Variants in TMEM243 observed in about 807,000 individuals in gnomAD.
The protein encoded by TMEM243 is MDR1 and mitochondrial taxol resistance associated.
In TMEM243, 20 loss-of-function variants were observed where a neutral mutation model predicts 15.0. The ratio of observed to expected loss-of-function variants is 1.33; its 90% CI spans 0.94 to 1.93. The LOEUF is 1.93. Ranked by LOEUF, TMEM243 falls within the 30% of genes most tolerant of loss-of-function variation. The pLI is 0.00. For synonymous variants in TMEM243, 72 were observed against 52.7 expected (o/e 1.37, Z -1.59); for missense variants, 156 against 142.1 (o/e 1.10, Z -0.50).
intron 1 of TMEM243, among the ~76,000 whole-genome samples, chr7:87,217,607 A>G (rs910452560): frequency 5.9e-5 from 9 of 152,148 alleles, no homozygotes; most frequent in Admixed American, 5.9e-4. Flanking sequence ...TCTATGTCCA[A>G]TCACCCTGTC....
At chr7:87,212,947 C>G (rs1331899026) in intron 1 of TMEM243, among the ~76,000 whole-genome samples, 1 of 152,210 alleles carries the variant, frequency 6.6e-6, no homozygotes, top group Non-Finnish European at 1.5e-5. Flanking sequence ...CAGGGCACAT[C>G]TTTGACAGCC....
At position 87,208,192 on chromosome 7, in the gene TMEM243, T is replaced by C. The variant is rs542746296; in HGVS notation, c.79-9135A>G. ...CCTAAAGTCTTAACTTATTTCAGCA[T>C]TAACTCAAAAGTCCACAGTCTGAAG... On this transcript the variant is annotated intron_variant, in intron 1 of 3. Transcript: ENST00000257637. Among the ~76,000 whole-genome samples, 250 of 152,338 alleles carry C rather than the reference T, an allele frequency of 1.6e-3. 1 individual carries two copies. Among genetic ancestry groups the C allele is most frequent in the African/African-American group, 5.7e-3 (237 of 41,584 alleles).
intron 1 of TMEM243, among the ~76,000 whole-genome samples, chr7:87,217,426 T>C (rs1803189523): frequency 6.6e-6 from 1 of 152,234 alleles, no homozygotes; most frequent in Non-Finnish European, 1.5e-5. Flanking sequence ...CCTTTCACTA[T>C]TGAGGCTCCA....
In TMEM243 at chr7:87,219,669, G is replaced by A; in HGVS notation, c.-166C>T. 1 of 627,066 alleles carries A rather than the reference G, an allele frequency of 1.6e-6. No individual in the cohort carries two copies. Among genetic ancestry groups the A allele is most frequent in the Non-Finnish European group, 2.8e-6 (1 of 353,694 alleles). The allele number at this position is 627,066 out of a possible 1,614,324, so 38.8% of individuals were successfully genotyped here. On this transcript the variant is annotated 5_prime_UTR_variant, in exon 1 of 4. Coordinates refer to ENST00000257637, the MANE Select transcript of TMEM243 (RefSeq NM_024315.4). ...GGGATGGGTGGGGGCTCACACGCGGGGAACGCGACTGCTCCGCCCCGGCCC... is the reference window on the plus strand; with the variant it reads ...GGGATGGGTGGGGGCTCACACGCGGAGAACGCGACTGCTCCGCCCCGGCCC...
intron 1 of TMEM243, among the ~76,000 whole-genome samples, chr7:87,207,093 C>G (rs934487388): frequency 6.6e-6 from 1 of 152,230 alleles, no homozygotes; most frequent in East Asian, 1.9e-4. Flanking sequence ...CTCTGTTGTT[C>G]CCAAAGAAAT....
chr7:87,210,996 T>C (rs1802706187), intron 1 of TMEM243, among the ~76,000 whole-genome samples: 1 of 152,218 alleles, frequency 6.6e-6, no homozygotes, highest in South Asian at 2.1e-4. Flanking sequence ...CAGCTGGAGC[T>C]GGAGCAGCTG....
chr7:87,211,463 C>T (rs2129235439), intron 1 of TMEM243, among the ~76,000 whole-genome samples: 1 of 152,292 alleles, frequency 6.6e-6, no homozygotes, highest in East Asian at 1.9e-4. Flanking sequence ...TACAATTTTG[C>T]CTCCAAAGTT....
At chr7:87,217,148 C>A (rs1293713338) in intron 1 of TMEM243, among the ~76,000 whole-genome samples, 1 of 152,152 alleles carries the variant, frequency 6.6e-6, no homozygotes, top group African/African-American at 2.4e-5. Flanking sequence ...TCTCATAAAG[C>A]AAGTAAGATT....
In TMEM243 at chr7:87,197,688, AT is replaced by A. The variant is rs71906317; in HGVS notation, c.234+252del. On this transcript the variant is annotated intron_variant, in intron 3 of 3. Coordinates refer to ENST00000257637, the MANE Select transcript of TMEM243 (RefSeq NM_024315.4). ...TTTGGCCACCTACGTCTTTCCACTA[AT>A]TTTTTTTTTTTTTTTTTTTTTTTTT... The A allele has an allele frequency of 1.1e-3, 1,061 of 982,046 alleles. 1 individual carries two copies. The highest frequency in any genetic ancestry group is 4.2e-3 in the East Asian group (87 of 20,958). The allele number at this position is 982,046 out of a possible 1,614,324, so 60.8% of individuals were successfully genotyped here.
At chr7:87,209,938 A>G (rs115797717) in intron 1 of TMEM243, among the ~76,000 whole-genome samples, 3,758 of 123,036 alleles carry the variant, frequency 0.031, 74 homozygotes, top group East Asian at 0.055. Context: ...AGAGAGAAAC[A>G]GGAGGGGGAC....
At chr7:87,209,684 C>CAGTGAGAA (rs1554365988) in intron 1 of TMEM243, among the ~76,000 whole-genome samples, 1 of 73,194 alleles carries the variant, frequency 1.4e-5, no homozygotes. Flanking sequence ...GAGCGAGACA[C>CAGTGAGAA]AGCGAGAGAG....
chr7:87,209,748 C>CACAGAGCGAGACAGTGAGAGCGAG (rs1562885322), intron 1 of TMEM243, among the ~76,000 whole-genome samples: 16 of 58,430 alleles, frequency 2.7e-4, no homozygotes, highest in East Asian at 3.6e-4. Context: ...GAGAGCGAGA[C>CACAGAGCGAGACAGTGAGAGCGAG]ACAGAGCGAG....
At chr7:87,209,458 G>A (rs1421453824) in intron 1 of TMEM243, among the ~76,000 whole-genome samples, 5 of 150,704 alleles carry the variant, frequency 3.3e-5, no homozygotes, top group African/African-American at 1.2e-4. Context: ...CAGTGAGACA[G>A]ACAGAGTGAG....
chr7:87,200,454 A>G (rs902033934), intron 1 of TMEM243, among the ~76,000 whole-genome samples: 4 of 152,200 alleles, frequency 2.6e-5, no homozygotes, highest in Non-Finnish European at 5.9e-5. Flanking sequence ...TGGGAGCCCC[A>G]CTATTTTTGA....
chr7:87,209,560 CAATG>C (rs1802491580), intron 1 of TMEM243, among the ~76,000 whole-genome samples: 1 of 86,508 alleles, frequency 1.2e-5, no homozygotes, highest in South Asian at 3.7e-4. Flanking sequence ...ATGAGAGAGA[CAATG>C]AGAGAGAGAC....
chr7:87,209,885 T>C, intron 1 of TMEM243, among the ~76,000 whole-genome samples: 1 of 116,438 alleles, frequency 8.6e-6, no homozygotes, highest in African/African-American at 3.5e-5. Context: ...AGTGAGAGCG[T>C]GAGAGACAGT....
At chr7:87,207,898 A>G (rs1320611013) in intron 1 of TMEM243, among the ~76,000 whole-genome samples, 2 of 152,176 alleles carry the variant, frequency 1.3e-5, no homozygotes, top group Non-Finnish European at 2.9e-5. Context: ...CCACATGAGC[A>G]AACTGCATCC....
At chr7:87,211,120 A>G (rs1024623764) in intron 1 of TMEM243, among the ~76,000 whole-genome samples, 1 of 152,072 alleles carries the variant, frequency 6.6e-6, no homozygotes, top group African/African-American at 2.4e-5. Flanking sequence ...CCCTGGGGAC[A>G]TTTTCCCCAT....
intron 1 of TMEM243, among the ~76,000 whole-genome samples, chr7:87,203,796 A>T (rs1025261652): frequency 9.2e-5 from 14 of 152,306 alleles, no homozygotes; most frequent in Non-Finnish European, 1.9e-4. Context: ...GGGTCAGAAC[A>T]AATCTAGGTA....
Sources: gnomAD v4.1 joint callset for allele counts (sites outside exome capture counted in the v4.1 genomes callset) on GRCh38, gnomAD v4.1.1 for gene constraint, MANE v1.5 for transcripts, NCBI Gene and HGNC (gene_info 2026-07-23, HGNC 2026-07-21) for gene names.